The following NRG3 variants were observed in gnomAD, a reference collection of about 807,000 sequenced individuals.
NRG3 encodes pro-neuregulin-3, membrane-bound isoform.
NRG3 carries 31 observed loss-of-function variants against 66.9 expected under a neutral mutation model. That is an observed-to-expected ratio of 0.46 (90% CI 0.35 to 0.63). The LOEUF (loss-of-function observed/expected upper bound fraction) is 0.63. Ranked by LOEUF, NRG3 falls within the 20% of genes least tolerant of loss-of-function variation. The probability of loss-of-function intolerance (pLI) is 0.00; values close to 1 mark genes in which losing one functional copy is unlikely to be tolerated. For missense variants in NRG3, 910 were observed against 878.9 expected (o/e 1.04, Z -0.45); for synonymous variants, 393 against 359.4 (o/e 1.09, Z -1.06).
chr10:82,492,880 A>T (rs1274089978), intron 2 of NRG3, among the ~76,000 whole-genome samples: 1 of 152,214 alleles, frequency 6.6e-6, no homozygotes, highest in Non-Finnish European at 1.5e-5. Flanking sequence ...TTACAGACAC[A>T]GTTGGCCCAG....
chr10:82,944,409 T>C (rs1848825507), intron 4 of NRG3, among the ~76,000 whole-genome samples: 2 of 152,240 alleles, frequency 1.3e-5, no homozygotes, highest in South Asian at 4.1e-4. Flanking sequence ...AAGTCATGCT[T>C]ATTCCATTTC....
chr10:81,911,565 G>A (rs1564650824), intron 1 of NRG3, among the ~76,000 whole-genome samples: 1 of 147,314 alleles, frequency 6.8e-6, no homozygotes. Flanking sequence ...TGACTGGAGT[G>A]TGGGCTTGTG....
chr10:82,156,813 T>G (rs1020981021), intron 1 of NRG3, among the ~76,000 whole-genome samples: 2 of 151,660 alleles, frequency 1.3e-5, no homozygotes, highest in Non-Finnish European at 3.0e-5. Flanking sequence ...GGTATGATTA[T>G]CAGCATGAAG....
chr10:82,723,170 A>G (rs572509705), intron 2 of NRG3, among the ~76,000 whole-genome samples: 1 of 152,320 alleles, frequency 6.6e-6, no homozygotes, highest in South Asian at 2.1e-4. Flanking sequence ...CTTTCACAAA[A>G]CATGGATGCA....
intron 7 of NRG3, among the ~76,000 whole-genome samples, chr10:82,975,283 T>G (rs1274589815): frequency 6.6e-6 from 1 of 152,254 alleles, no homozygotes; most frequent in African/African-American, 2.4e-5. Flanking sequence ...TAAAGTAGTA[T>G]TCCACCTAGT....
At chr10:82,626,133 G>T (rs552870599) in intron 2 of NRG3, among the ~76,000 whole-genome samples, 1 of 152,168 alleles carries the variant, frequency 6.6e-6, no homozygotes, top group East Asian at 1.9e-4. Context: ...CATTCACTCA[G>T]CCTCACAATC....
intron 1 of NRG3, among the ~76,000 whole-genome samples, chr10:82,312,102 G>T (rs560748576): frequency 6.6e-6 from 1 of 152,160 alleles, no homozygotes; most frequent in Non-Finnish European, 1.5e-5. Flanking sequence ...CTAAATATTG[G>T]TTGTCTTTTA....
intron 1 of NRG3, among the ~76,000 whole-genome samples, chr10:81,936,710 C>G (rs983440702): frequency 2.0e-5 from 3 of 152,192 alleles, no homozygotes; most frequent in Non-Finnish European, 2.9e-5. Context: ...CTGCTATAGT[C>G]AGGGTATGGG....
chr10:82,474,006 G>A (rs749969877), intron 2 of NRG3, among the ~76,000 whole-genome samples: 10 of 151,912 alleles, frequency 6.6e-5, no homozygotes, highest in Non-Finnish European at 1.5e-4. Flanking sequence ...GAAGAATTGG[G>A]GGAAAAAATG....
chr10:82,284,887 C>T (rs1327678301), intron 1 of NRG3, among the ~76,000 whole-genome samples: 1 of 152,098 alleles, frequency 6.6e-6, no homozygotes, highest in African/African-American at 2.4e-5. Flanking sequence ...ATACTGTATG[C>T]ATTTTTCTTT....
intron 2 of NRG3, among the ~76,000 whole-genome samples, chr10:82,430,944 G>A (rs997159451): frequency 1.3e-5 from 2 of 152,136 alleles, no homozygotes; most frequent in African/African-American, 2.4e-5. Context: ...AGTGTGAGAT[G>A]TTATGACATT....
intron 1 of NRG3, among the ~76,000 whole-genome samples, chr10:82,196,018 G>A (rs1280351477): frequency 6.6e-6 from 1 of 152,176 alleles, no homozygotes; most frequent in Non-Finnish European, 1.5e-5. Context: ...CTGCTTTTTT[G>A]TGTGTGCTGT....
At chr10:81,989,272 A>G (rs1353254757) in intron 1 of NRG3, among the ~76,000 whole-genome samples, 7 of 152,138 alleles carry the variant, frequency 4.6e-5, no homozygotes, top group Non-Finnish European at 1.0e-4. Context: ...CTTGCTAAGT[A>G]TACAGTTGGA....
At chr10:82,466,727 G>A (rs192144563) in intron 2 of NRG3, among the ~76,000 whole-genome samples, 26 of 152,172 alleles carry the variant, frequency 1.7e-4, no homozygotes, top group African/African-American at 5.8e-4. Flanking sequence ...AGACAGACAT[G>A]TGCTGCTGAG....
chr10:82,376,156 C>T (rs1431429345), intron 2 of NRG3, among the ~76,000 whole-genome samples: 1 of 152,092 alleles, frequency 6.6e-6, no homozygotes, highest in African/African-American at 2.4e-5. Context: ...CCAGGGGTGT[C>T]GCTGAACGTG....
intron 2 of NRG3, among the ~76,000 whole-genome samples, chr10:82,471,937 A>C (rs1038516963): frequency 6.6e-6 from 1 of 152,086 alleles, no homozygotes; most frequent in Non-Finnish European, 1.5e-5. Context: ...GTTTGGAGCC[A>C]AATTATAATT....
chr10:82,296,377 G>T (rs1232731411), intron 1 of NRG3, among the ~76,000 whole-genome samples: 1 of 152,150 alleles, frequency 6.6e-6, no homozygotes, highest in Middle Eastern at 3.2e-3. Context: ...GAGACTGGCT[G>T]CCTTGGTGGA....
Position 82,440,070 on chromosome 10 carries a change from G to A in NRG3, c.953+81202G>A, listed in dbSNP as rs73308004. 5.5e-3 allele frequency among the ~76,000 whole-genome samples: 839 copies of A among 152,132 alleles called. 8 individuals carry two copies. Among genetic ancestry groups the A allele is most frequent in the African/African-American group, 0.02 (815 of 41,552 alleles). Reference sequence around the variant, plus strand: ...AAGTAGAGCATATCTGGAAAGCCATGTGGGCATTAGGACATTTTCTAATGG... The same window carrying A: ...AAGTAGAGCATATCTGGAAAGCCATATGGGCATTAGGACATTTTCTAATGG... On this transcript the variant is annotated intron_variant, in intron 2 of 8. Coordinates refer to ENST00000372141, the MANE Select transcript of NRG3 (RefSeq NM_001010848.4).
At chr10:82,442,865 G>A (rs1395570648) in intron 2 of NRG3, among the ~76,000 whole-genome samples, 1 of 133,552 alleles carries the variant, frequency 7.5e-6, no homozygotes, top group African/African-American at 2.9e-5. Flanking sequence ...TCACTTGGAA[G>A]TGACTTCTAA....
Sources: gnomAD v4.1 joint callset for allele counts (sites outside exome capture counted in the v4.1 genomes callset) on GRCh38, gnomAD v4.1.1 for gene constraint, MANE v1.5 for transcripts, NCBI Gene and HGNC (gene_info 2026-07-23, HGNC 2026-07-21) for gene names.